The following SEPTIN10 variants were observed in gnomAD, a reference collection of about 807,000 sequenced individuals.
The protein encoded by SEPTIN10 is septin 10.
In SEPTIN10, 66 loss-of-function variants were observed where a neutral mutation model predicts 54.8. The ratio of observed to expected loss-of-function variants is 1.21; its 90% CI spans 0.99 to 1.48. The LOEUF is 1.48. Among genes scored for constraint, SEPTIN10 ranks in the 40% most tolerant of loss-of-function variants. The pLI is 0.00. For missense variants in SEPTIN10, 620 were observed against 545.6 expected (o/e 1.14, Z -1.36); for synonymous variants, 161 against 181.0 (o/e 0.89, Z 0.89).
At chr2:109,568,717 G>A (rs1208945596) in intron 5 of SEPTIN10, among the ~76,000 whole-genome samples, 3 of 152,066 alleles carry the variant, frequency 2.0e-5, no homozygotes, top group African/African-American at 7.2e-5. Flanking sequence ...TAAGCACTAA[G>A]TAACCAGGGT....
intron 1 of SEPTIN10, among the ~76,000 whole-genome samples, chr2:109,605,216 A>T (rs1697657087): frequency 6.6e-6 from 1 of 152,214 alleles, no homozygotes; most frequent in Non-Finnish European, 1.5e-5. Flanking sequence ...GCTGAATATA[A>T]TTATACCATA....
At chr2:109,561,695 ACT>A (rs1299175980) in intron 8 of SEPTIN10, among the ~76,000 whole-genome samples, 2 of 151,534 alleles carry the variant, frequency 1.3e-5, no homozygotes, top group Non-Finnish European at 2.9e-5. Flanking sequence ...ACACCCCTAA[ACT>A]CTCTGATTCC....
chr2:109,562,511 A>C (rs1197853338), intron 8 of SEPTIN10, among the ~76,000 whole-genome samples: 2 of 151,012 alleles, frequency 1.3e-5, no homozygotes, highest in African/African-American at 4.8e-5. Flanking sequence ...GATAGCAGAC[A>C]AACTATTTGC....
rs150267546 is a variant in SEPTIN10, at chr2:109,585,757, T to C, written c.181A>G (p.Ile61Val). ...SLPDQLVNRS[I>V]QQGFCFNILC... Reference sequence around the variant, plus strand: ...ATATTAAAGCAGAAACCTTGCTGAATGGATCTGTTCACCAGCTGATCAGGC... The same window carrying C: ...ATATTAAAGCAGAAACCTTGCTGAACGGATCTGTTCACCAGCTGATCAGGC... Residue 61 changes from isoleucine (I) to valine (V), a missense_variant, in exon 3 of 11, where the codon ATT becomes GTT. By Grantham distance (29) the Ile-to-Val change is conservative. Coordinates refer to ENST00000397712, the MANE Select transcript of SEPTIN10 (RefSeq NM_144710.5). The C allele has an allele frequency of 6.8e-6, 11 of 1,613,836 alleles. No homozygotes were observed. Among genetic ancestry groups the C allele is most frequent in the Non-Finnish European group, 9.3e-6 (11 of 1,179,938 alleles).
chr2:109,584,239 G>C (rs1406499064), intron 4 of SEPTIN10, among the ~76,000 whole-genome samples: 1 of 152,210 alleles, frequency 6.6e-6, no homozygotes, highest in Non-Finnish European at 1.5e-5. Flanking sequence ...CACTTCGGGA[G>C]GCCGAGGTGG....
intron 6 of SEPTIN10, among the ~76,000 whole-genome samples, chr2:109,566,380 T>C (rs192828119): frequency 2.7e-4 from 41 of 152,114 alleles, no homozygotes; most frequent in South Asian, 8.3e-4. Context: ...CTTGGGATTA[T>C]AGGTGTGAGC....
At chr2:109,593,987 A>G (rs936822651) in intron 1 of SEPTIN10, among the ~76,000 whole-genome samples, 1 of 152,204 alleles carries the variant, frequency 6.6e-6, no homozygotes, top group African/African-American at 2.4e-5. Flanking sequence ...CACAGCCTAG[A>G]TGAAAAAATT....
intron 6 of SEPTIN10, 87 bp downstream of exon 6, chr2:109,567,728 T>G: frequency 8.0e-7 from 1 of 1,249,158 alleles, no homozygotes; most frequent in South Asian, 2.3e-5. Flanking sequence ...AAGACACAAG[T>G]GAAAGTGTAT....
At chr2:109,560,673 C>T (rs1362686710) in intron 8 of SEPTIN10, among the ~76,000 whole-genome samples, 1 of 152,154 alleles carries the variant, frequency 6.6e-6, no homozygotes, top group African/African-American at 2.4e-5. Flanking sequence ...TCAACAGGTC[C>T]CAAACTGTGA....
chr2:109,605,007 G>A (rs1697607480), intron 1 of SEPTIN10: 1 of 152,112 alleles, frequency 6.6e-6, no homozygotes. Context: ...TGAGTTTAAG[G>A]TTCCTATGAG....
chr2:109,561,189 C>G (rs1685567876), intron 8 of SEPTIN10, among the ~76,000 whole-genome samples: 1 of 152,180 alleles, frequency 6.6e-6, no homozygotes, highest in African/African-American at 2.4e-5. Flanking sequence ...CTGCAGTGAA[C>G]TGATCTTCTT....
At chr2:109,564,586 C>T (rs775195147) in intron 7 of SEPTIN10, 52 bp from the exon 8 acceptor site, 2 of 1,415,052 alleles carry the variant, frequency 1.4e-6, no homozygotes, top group East Asian at 4.8e-5. Flanking sequence ...ATTCCTGGCA[C>T]ACAACTAAGT....
At chr2:109,613,526 G>C (rs1477268335) in intron 1 of SEPTIN10, 2 of 240,960 alleles carry the variant, frequency 8.3e-6, no homozygotes, top group East Asian at 1.9e-4. Flanking sequence ...TTTTGGCAAA[G>C]ACCGGGAAGT....
chr2:109,553,288 T>C (rs1683495963), intron 8 of SEPTIN10, 69 bp from the exon 9 acceptor site: 2 of 1,539,002 alleles, frequency 1.3e-6, no homozygotes, highest in Non-Finnish European at 1.8e-6. Context: ...CTCACGCCTG[T>C]AATCCCAACA....
At chr2:109,608,854 T>C (rs900949833) in intron 1 of SEPTIN10, among the ~76,000 whole-genome samples, 19 of 152,170 alleles carry the variant, frequency 1.2e-4, no homozygotes, top group Non-Finnish European at 2.6e-4. Flanking sequence ...AGAATTAAAG[T>C]TCTCATTACA....
chr2:109,600,550 A>C (rs1271869584), intron 1 of SEPTIN10, among the ~76,000 whole-genome samples: 4 of 151,504 alleles, frequency 2.6e-5, no homozygotes, highest in Non-Finnish European at 5.9e-5. Context: ...AAAAAAAAAA[A>C]AACCACAAAC....
intron 5 of SEPTIN10, among the ~76,000 whole-genome samples, chr2:109,571,436 A>G (rs1688364779): frequency 6.6e-6 from 1 of 152,224 alleles, no homozygotes; most frequent in South Asian, 2.1e-4. Context: ...TTTCTAGACT[A>G]TAAGCCTGTA....
At chr2:109,595,438 G>A (rs1056233753) in intron 1 of SEPTIN10, among the ~76,000 whole-genome samples, 11 of 152,174 alleles carry the variant, frequency 7.2e-5, no homozygotes, top group South Asian at 4.2e-4. Flanking sequence ...ATTCTGAAAG[G>A]CCCCCCAGTC....
At chr2:109,560,354 T>C (rs1685384487) in intron 8 of SEPTIN10, among the ~76,000 whole-genome samples, 1 of 152,154 alleles carries the variant, frequency 6.6e-6, no homozygotes, top group Non-Finnish European at 1.5e-5. Flanking sequence ...CCCTCTCTCT[T>C]GATCCCCTCT....
Sources: gnomAD v4.1 joint callset for allele counts (sites outside exome capture counted in the v4.1 genomes callset) on GRCh38, gnomAD v4.1.1 for gene constraint, MANE v1.5 for transcripts, NCBI Gene and HGNC (gene_info 2026-07-23, HGNC 2026-07-21) for gene names.